Variants in VWF observed in about 807,000 individuals in gnomAD.
VWF encodes von Willebrand factor.
In VWF, 176 loss-of-function variants were observed where a neutral mutation model predicts 308.6. The observed-to-expected ratio is 0.57, with a 90% confidence interval of 0.50 to 0.65. The LOEUF (loss-of-function observed/expected upper bound fraction) is 0.65. Among genes scored for constraint, VWF ranks in the 30% least tolerant of loss-of-function variants. The probability of loss-of-function intolerance (pLI) is 0.00; values close to 1 mark genes in which losing one functional copy is unlikely to be tolerated. For synonymous variants in VWF, 1,385 were observed against 1,443.4 expected, an observed-to-expected ratio of 0.96 and a Z score of 0.92; for missense variants, 3,146 against 3,648.2, an observed-to-expected ratio of 0.86 and a Z score of 3.55.
intron 21 of VWF, 98 bp downstream of exon 21, chr12:6,031,346 C>G (rs915200055): frequency 6.9e-6 from 11 of 1,594,282 alleles, no homozygotes; most frequent in Non-Finnish European, 8.6e-6. Flanking sequence ...GTGCGTTATT[C>G]CATTCACACG....
At chr12:5,976,015 C>T in intron 43 of VWF, 96 bp downstream of exon 43, 1 of 1,314,540 alleles carries the variant, frequency 7.6e-7, no homozygotes, top group South Asian at 1.3e-5. Flanking sequence ...GTCTCCATTT[C>T]AAAAAAAAAA....
intron 19 of VWF, among the ~76,000 whole-genome samples, chr12:6,035,826 C>T (rs1944330547): frequency 6.6e-6 from 1 of 152,190 alleles, no homozygotes; most frequent in African/African-American, 2.4e-5. Flanking sequence ...CTCTGAAGTC[C>T]AAAATGTTCT....
intron 5 of VWF, among the ~76,000 whole-genome samples, chr12:6,102,923 G>C (rs1019427304): frequency 1.3e-5 from 2 of 152,138 alleles, no homozygotes. Context: ...AGACCGAATA[G>C]CCAAAGCAAT....
intron 15 of VWF, among the ~76,000 whole-genome samples, chr12:6,053,785 GAATGTTCACTGCTAAT>G (rs1357188294): frequency 3.9e-5 from 6 of 152,216 alleles, no homozygotes; most frequent in African/African-American, 7.2e-5. Context: ...GGCATGTGGA[GAATGTTCACTGCTAAT>G]AATGTTCACT....
At position 5,994,061 on chromosome 12, in the gene VWF, G is replaced by C. The variant is rs762560548; in HGVS notation, c.6399C>G (p.Val2133=). 37 of 1,614,040 alleles carry C rather than the reference G, an allele frequency of 2.3e-5. No individual in the cohort carries two copies. In the Admixed American group the frequency reaches 3.8e-4, roughly 17 times the overall value. The change falls in exon 37 of 52, where the codon GTC becomes GTG. Residue 2133 remains valine (V), a synonymous_variant. Transcript: ENST00000261405. ...GGACCTGGCAGTGGGAGCTGTCGGG[G>C]ACAAGACACTGCTCCTCCAGGATGG... ...CQPILEEQCL[V]PDSSHCQVLL... is the part of the protein sequence containing the mutation.
chr12:5,982,118 C>A, intron 41 of VWF, 127 bp from the exon 42 acceptor site: 1 of 842,016 alleles, frequency 1.2e-6, no homozygotes. Context: ...GAGGGCCAAG[C>A]TCACGGGCTG....
At chr12:6,014,125 A>T (rs189077537) in intron 31 of VWF, among the ~76,000 whole-genome samples, 2 of 152,000 alleles carry the variant, frequency 1.3e-5, no homozygotes, top group African/African-American at 2.4e-5. Context: ...TGAGGGAGGG[A>T]CATCCCAAGC....
Position 6,075,686 on chromosome 12 carries a change from T to C in VWF, c.658-135A>G, listed in dbSNP as rs905148170. The C allele has an allele frequency of 1.0e-5, 9 of 897,300 alleles. No individual in the cohort carries two copies. The South Asian group carries it at 1.3e-4, about 13-fold the overall frequency. 55.6% of individuals were successfully genotyped at this position (897,300 alleles called of 1,614,324 possible). A position where few individuals can be genotyped will look rare whatever the true frequency, so the allele number is the denominator to read the frequency against. Reference sequence around the variant, plus strand: ...GACAGGCTGGCACCAAGCACATGCATGTGTTCAATGCACCAGCCCATCGAC... The same window carrying C: ...GACAGGCTGGCACCAAGCACATGCACGTGTTCAATGCACCAGCCCATCGAC... On this transcript the variant is annotated intron_variant, in intron 6 of 51. Coordinates refer to ENST00000261405, the MANE Select transcript of VWF (RefSeq NM_000552.5). This position sits in a 1 kb window ranked among gnomAD's most constrained non-coding sequence, Gnocchi z 4.7.
chr12:5,996,311 C>T, intron 34 of VWF, 89 bp from the exon 35 acceptor site: 1 of 1,209,788 alleles, frequency 8.3e-7, no homozygotes, highest in South Asian at 1.3e-5. Flanking sequence ...CCAAGTTGCA[C>T]ACAGATAAAT....
rs936916432 is a variant in VWF, at chr12:6,110,790, C to T, written c.323+76G>A. 29 of 1,501,364 alleles carry T rather than the reference C, an allele frequency of 1.9e-5. No homozygotes were observed. In the African/African-American group the frequency reaches 3.9e-4, roughly 20 times the overall value. The allele number at this position is 1,501,364 out of a possible 1,614,324, so 93.0% of individuals were successfully genotyped here. ...TTTGCTTCCATTCTCTGGGCCCCAG[C>T]TTCCTCATCTAAAAATGAGGGGGTT... is the stretch of plus-strand genomic sequence containing the variant. On this transcript the variant is annotated intron_variant, in intron 4 of 51. Transcript: ENST00000261405.
At chr12:5,964,246 A>ACATG (rs1555189790) in intron 47 of VWF, among the ~76,000 whole-genome samples, 8 of 133,166 alleles carry the variant, frequency 6.0e-5, no homozygotes, top group South Asian at 2.3e-4. Flanking sequence ...ATACATACAT[A>ACATG]CATGCATACA....
intron 6 of VWF, among the ~76,000 whole-genome samples, chr12:6,086,830 C>T (rs2239145): frequency 0.17 from 25,979 of 152,034 alleles, 2,653 homozygotes; most frequent in East Asian, 0.45. Flanking sequence ...TTGTCTCTAA[C>T]GGAATGGGTA....
chr12:6,023,673 G>A lies in VWF; in HGVS notation c.3337C>T (p.Gln1113Ter), dbSNP rs1944157065. 6.2e-7 allele frequency: 1 copy of A among 1,613,798 alleles called. No homozygotes were observed. Among genetic ancestry groups the A allele is most frequent in the Admixed American group, 1.7e-5 (1 of 60,004 alleles). Reference sequence around the variant, plus strand: ...CTCCAGGTCACCACCTTGCCATGCTGGGCACACACGTGGGCATAGGCAGCA... The same window carrying A: ...CTCCAGGTCACCACCTTGCCATGCTAGGCACACACGTGGGCATAGGCAGCA... ...TIAAYAHVCA[Q>*]HGKVVTWRTA... Residue 1113 changes from glutamine (Q) to a stop codon, truncating the protein, a stop_gained, in exon 25 of 52, where the codon CAG (glutamine) becomes TAG (stop). Coordinates refer to ENST00000261405, the MANE Select transcript of VWF (RefSeq NM_000552.5). LOFTEE classifies it high-confidence loss of function.
At chr12:5,976,022 A>C (rs1457194305) in intron 43 of VWF, 89 bp downstream of exon 43, 5 of 1,588,238 alleles carry the variant, frequency 3.1e-6, no homozygotes, top group Non-Finnish European at 4.3e-6. Context: ...TTTCAAAAAA[A>C]AAAGAACCTT....
intron 3 of VWF, among the ~76,000 whole-genome samples, chr12:6,111,798 G>GA (rs1333180293): frequency 4.7e-5 from 7 of 148,590 alleles, no homozygotes; most frequent in East Asian, 3.9e-4. Context: ...AAAATATGAA[G>GA]AAAAAAAAAA....
Position 5,950,731 on chromosome 12 carries a change from T to C in VWF, c.8156-848A>G, listed in dbSNP as rs533275302. ...GTGGATTTAAGGCCCTGAGCCTGGC[T>C]TATTGTCCTTATTAAAGATCTCGAA... On this transcript the variant is annotated intron_variant, in intron 50 of 51. Coordinates refer to ENST00000261405, the MANE Select transcript of VWF (RefSeq NM_000552.5). Among the ~76,000 whole-genome samples, 11 of 152,232 alleles carry C rather than the reference T, an allele frequency of 7.2e-5. No individual in the cohort carries two copies. In the East Asian group the frequency reaches 2.1e-3, roughly 29 times the overall value.
intron 42 of VWF, 66 bp from the exon 43 acceptor site, chr12:5,976,326 T>G: frequency 6.2e-7 from 1 of 1,603,768 alleles, no homozygotes; most frequent in Non-Finnish European, 8.5e-7. Flanking sequence ...AGTTAGCACC[T>G]ACTACACAGA....
rs748454636 is a variant in VWF, at chr12:6,019,335, C to T, written c.4083G>A (p.Leu1361=). The T allele has an allele frequency of 1.9e-6, 3 of 1,613,816 alleles. No individual in the cohort carries two copies. The highest frequency in any genetic ancestry group is 1.7e-5 in the Admixed American group (1 of 60,000). Residue 1361 remains leucine (L), a synonymous_variant, in exon 28 of 52, where the codon TTG becomes TTA. Coordinates refer to ENST00000261405, the MANE Select transcript of VWF (RefSeq NM_000552.5). The surrounding 1 kb of genome is among the most constrained non-coding windows in gnomAD (Gnocchi z 5.8). ...TGAAGATTTGGAACAGTGTGTATTT[C>T]AAGACCTCGCTGGTGGAGGCCACCT... is the stretch of plus-strand genomic sequence containing the variant. ...GSQVASTSEV[L]KYTLFQIFSK...
intron 16 of VWF, among the ~76,000 whole-genome samples, chr12:6,050,192 G>A (rs1944493781): frequency 1.3e-5 from 2 of 152,066 alleles, no homozygotes; most frequent in African/African-American, 2.4e-5. Flanking sequence ...TTGCGTCACT[G>A]TCCTCACAGG....
Sources: gnomAD v4.1 joint callset for allele counts (sites outside exome capture counted in the v4.1 genomes callset) on GRCh38, gnomAD v4.1.1 for gene constraint, Gnocchi (gnomAD v3.1) non-coding constraint, MANE v1.5 for transcripts, NCBI Gene and HGNC (gene_info 2026-07-23, HGNC 2026-07-21) for gene names.